PKHD1: variants seen among roughly 807,000 people sequenced by gnomAD.
The protein encoded by PKHD1 is fibrocystin.
A neutral mutation model predicts 412.0 loss-of-function variants in PKHD1; 291 were observed. The ratio of observed to expected loss-of-function variants is 0.71; its 90% CI spans 0.64 to 0.78. The LOEUF is 0.78. Among genes scored for constraint, PKHD1 ranks in the 30% least tolerant of loss-of-function variants. PKHD1 has a pLI of 0.00. For synonymous variants in PKHD1, 1,777 were observed against 1,821.5 expected (o/e 0.98, Z 0.62); for missense variants, 4,825 against 4,950.7 (o/e 0.97, Z 0.76).
At chr6:52,059,668 T>C (rs1808377046) in intron 15 of PKHD1, among the ~76,000 whole-genome samples, 1 of 152,236 alleles carries the variant, frequency 6.6e-6, no homozygotes, top group African/African-American at 2.4e-5. Context: ...TATACATACA[T>C]ACATACATTT....
chr6:51,848,918 GTTTTTT>G lies in PKHD1; in HGVS notation c.7912-954_7912-949del, dbSNP rs11356592. ...CCTCATGGCCATTTTTTTTTTTTTA[GTTTTTT>G]TTTTTATTTCTTCTGAAAAAAAAAA... On this transcript the variant is annotated intron_variant, in intron 49 of 66. Transcript: ENST00000371117. 7.7e-3 allele frequency among the ~76,000 whole-genome samples: 965 copies of G among 125,504 alleles called. 14 individuals are homozygous for G. The highest frequency in any genetic ancestry group is 0.028 in the African/African-American group (923 of 33,212). 82.3% of individuals were successfully genotyped at this position (125,504 alleles called of 152,430 possible). A position where few individuals can be genotyped will look rare whatever the true frequency, so the allele number is the denominator to read the frequency against.
At chr6:51,946,856 G>A (rs1173745579) in intron 36 of PKHD1, among the ~76,000 whole-genome samples, 2 of 152,252 alleles carry the variant, frequency 1.3e-5, no homozygotes, top group South Asian at 2.1e-4. Flanking sequence ...GCTAGCTAAT[G>A]TTTGCAAAGT....
intron 39 of PKHD1, 101 bp downstream of exon 39, chr6:51,911,698 T>C (rs967758783): frequency 2.9e-6 from 3 of 1,046,326 alleles, no homozygotes; most frequent in Non-Finnish European, 4.5e-6. Flanking sequence ...TAAGGGCTTA[T>C]TCTATTTTAA....
At chr6:51,770,647 A>G (rs1348982902) in intron 55 of PKHD1, among the ~76,000 whole-genome samples, 1 of 137,620 alleles carries the variant, frequency 7.3e-6, no homozygotes, top group Non-Finnish European at 1.6e-5. Flanking sequence ...TTTTTTTTCT[A>G]TTTTATTATT....
At chr6:51,894,698 G>A (rs1779621211) in intron 43 of PKHD1, among the ~76,000 whole-genome samples, 1 of 152,196 alleles carries the variant, frequency 6.6e-6, no homozygotes, top group South Asian at 2.1e-4. Context: ...GGTATGTGAG[G>A]AGAGAGAGTT....
intron 60 of PKHD1, among the ~76,000 whole-genome samples, chr6:51,660,578 T>C (rs891373296): frequency 1.9e-4 from 29 of 152,206 alleles, no homozygotes; most frequent in African/African-American, 7.0e-4. Flanking sequence ...ATCAGGGCTC[T>C]CAGGACTCCA....
At chr6:51,734,332 G>A (rs1384107155) in intron 60 of PKHD1, among the ~76,000 whole-genome samples, 2 of 152,208 alleles carry the variant, frequency 1.3e-5, no homozygotes, top group East Asian at 3.9e-4. Context: ...AATATTCTTT[G>A]AAAATGCTAA....
At chr6:51,773,262 T>A (rs55660964) in intron 54 of PKHD1, among the ~76,000 whole-genome samples, 2,210 of 152,086 alleles carry the variant, frequency 0.015, 47 homozygotes, top group African/African-American at 0.05. Flanking sequence ...ATATTTTGTC[T>A]TATAAATATC....
chr6:51,914,051 TCTA>T (rs1174199845), intron 37 of PKHD1, among the ~76,000 whole-genome samples: 4 of 152,118 alleles, frequency 2.6e-5, no homozygotes, highest in Non-Finnish European at 5.9e-5. Flanking sequence ...TAGAAAAATC[TCTA>T]CTAAGCACAG....
At chr6:51,885,257 T>C (rs1778026629) in intron 45 of PKHD1, among the ~76,000 whole-genome samples, 1 of 152,072 alleles carries the variant, frequency 6.6e-6, no homozygotes, top group Non-Finnish European at 1.5e-5. Flanking sequence ...TAATGAAGAG[T>C]AAATGATTGA....
chr6:52,018,682 T>A (rs945207746), intron 33 of PKHD1, among the ~76,000 whole-genome samples: 1 of 152,112 alleles, frequency 6.6e-6, no homozygotes, highest in Non-Finnish European at 1.5e-5. Context: ...CCCCGGATGA[T>A]CTTTTGTATT....
chr6:51,867,293 C>G (rs1019512272), intron 48 of PKHD1, among the ~76,000 whole-genome samples: 14 of 152,116 alleles, frequency 9.2e-5, no homozygotes, highest in Non-Finnish European at 1.6e-4. Context: ...TAAACAGCCC[C>G]GCTGCTGACT....
chr6:51,977,333 G>A (rs1019564410), intron 35 of PKHD1, among the ~76,000 whole-genome samples: 4 of 152,264 alleles, frequency 2.6e-5, no homozygotes, highest in South Asian at 2.1e-4. Flanking sequence ...ACCTGTCCAC[G>A]CTACTCCCCT....
At chr6:51,944,621 T>A (rs1162535572) in intron 36 of PKHD1, among the ~76,000 whole-genome samples, 1 of 152,136 alleles carries the variant, frequency 6.6e-6, no homozygotes, top group Non-Finnish European at 1.5e-5. Flanking sequence ...CCCCATACCC[T>A]AGTTCCCTGC....
intron 35 of PKHD1, among the ~76,000 whole-genome samples, chr6:51,977,494 T>G (rs967047598): frequency 2.0e-5 from 3 of 152,218 alleles, no homozygotes; most frequent in Admixed American, 2.0e-4. Context: ...ACTCATTCTT[T>G]CAAAGCCAGG....
chr6:51,746,853 C>G lies in PKHD1; in HGVS notation c.9866G>C (p.Ser3289Thr). The stretch of plus-strand genomic sequence containing the variant: ...TAGAATGCAGACATCCAGGTCATCG[C>G]TATAGCAACTCTTCACAAAACTAGA... Reference protein sequence around the residue: ...TFSSFVKSCYSDDLDVCILPN... With the variant: ...TFSSFVKSCYTDDLDVCILPN... The change falls in exon 59 of 67, where the codon AGC becomes ACC. Residue 3289 changes from serine to threonine, a missense_variant. Ser to Thr is a moderately conservative substitution (Grantham distance 58, BLOSUM62 1). Transcript: ENST00000371117. 1.9e-6 allele frequency: 3 copies of G among 1,609,640 alleles called. No individual in the cohort carries two copies. The highest frequency in any genetic ancestry group is 2.7e-5 in the African/African-American group (2 of 74,926).
chr6:51,640,318 C>T (rs2150335538), intron 63 of PKHD1, among the ~76,000 whole-genome samples: 1 of 152,288 alleles, frequency 6.6e-6, no homozygotes, highest in East Asian at 1.9e-4. Flanking sequence ...ATGGAAAGTG[C>T]TTTAGTTCTA....
At chr6:51,985,133 G>A (rs140233086) in intron 35 of PKHD1, among the ~76,000 whole-genome samples, 95 of 152,024 alleles carry the variant, frequency 6.2e-4, no homozygotes, top group South Asian at 1.0e-3. Flanking sequence ...TTTGCAATAT[G>A]CATGATCTGT....
chr6:51,664,734 T>C (rs554292173), intron 60 of PKHD1, among the ~76,000 whole-genome samples: 8 of 152,298 alleles, frequency 5.3e-5, no homozygotes, highest in African/African-American at 1.9e-4. Context: ...GCCAATTACC[T>C]TCCTGATTGC....
Sources: allele counts gnomAD v4.1 joint callset (sites outside exome capture counted in the v4.1 genomes callset), GRCh38; gene constraint gnomAD v4.1.1; transcripts MANE v1.5; gene names NCBI Gene and HGNC (gene_info 2026-07-23, HGNC 2026-07-21).